The following FBXW10B variants were observed in gnomAD, a reference collection of about 807,000 sequenced individuals.
FBXW10B encodes F-box and WD repeat domain containing 10B.
chr17:15,587,812 G>A, the FBXW10B span, among the ~76,000 whole-genome samples: 2 of 152,142 alleles, frequency 1.3e-5, no homozygotes, highest in Non-Finnish European at 2.9e-5. Context: ...CCTAGAAGCT[G>A]CACACTGGTG....
the FBXW10B span, chr17:15,596,700 G>C: frequency 2.5e-6 from 4 of 1,589,080 alleles, no homozygotes; most frequent in Non-Finnish European, 3.4e-6. Flanking sequence ...ATGGGAGTGG[G>C]GAAAAAGGGG....
At chr17:15,593,602 C>G in the FBXW10B span, 4 of 1,412,492 alleles carry the variant, frequency 2.8e-6, no homozygotes, top group South Asian at 5.7e-5. Flanking sequence ...CTGGCCATAA[C>G]TGGCCTCAAA....
At chr17:15,610,992 G>A in the FBXW10B span, among the ~76,000 whole-genome samples, 1 of 151,490 alleles carries the variant, frequency 6.6e-6, no homozygotes, top group Non-Finnish European at 1.5e-5. Flanking sequence ...ATGAAAAACT[G>A]CAGGTCAAAG....
At chr17:15,597,323 G>T in the FBXW10B span, among the ~76,000 whole-genome samples, 1 of 149,860 alleles carries the variant, frequency 6.7e-6, no homozygotes, top group Non-Finnish European at 1.5e-5. Flanking sequence ...GCAGAACAGG[G>T]TTTTCTAAAA....
the FBXW10B span, among the ~76,000 whole-genome samples, chr17:15,575,066 T>C: frequency 7.1e-6 from 1 of 141,094 alleles, no homozygotes; most frequent in East Asian, 2.2e-4. Flanking sequence ...AAGGATTAAG[T>C]AGTTTTAGGG....
At chr17:15,571,777 A>G in the FBXW10B span, 2 of 152,262 alleles carry the variant, frequency 1.3e-5, no homozygotes, top group Admixed American at 6.5e-5. Context: ...TACGGCTGAA[A>G]TACTACTCAG....
chr17:15,604,655 G>A, the FBXW10B span, among the ~76,000 whole-genome samples: 163 of 152,092 alleles, frequency 1.1e-3, 1 homozygote, highest in East Asian at 6.8e-3. Flanking sequence ...CTGCCTCAGC[G>A]TCCCGAGTAG....
the FBXW10B span, among the ~76,000 whole-genome samples, chr17:15,603,329 C>G: frequency 6.6e-6 from 1 of 151,948 alleles, no homozygotes; most frequent in Non-Finnish European, 1.5e-5. Flanking sequence ...GCCTGCTGGC[C>G]CCACACTGCA....
At chr17:15,594,858 G>C in the FBXW10B span, 13 of 1,613,806 alleles carry the variant, frequency 8.1e-6, no homozygotes, top group South Asian at 2.2e-5. Context: ...CAAAGAACAG[G>C]CATTTCACAG....
the FBXW10B span, among the ~76,000 whole-genome samples, chr17:15,592,787 C>T: frequency 0.15 from 22,502 of 151,604 alleles, 1,803 homozygotes; most frequent in Admixed American, 0.22. Flanking sequence ...CACTGCAATT[C>T]CCACAAACAC....
At chr17:15,584,089 A>G in the FBXW10B span, among the ~76,000 whole-genome samples, 1 of 152,242 alleles carries the variant, frequency 6.6e-6, no homozygotes, top group Non-Finnish European at 1.5e-5. Flanking sequence ...GCAGTTTCAC[A>G]TCTAGGAATT....
chr17:15,567,447 T>A, the FBXW10B span, among the ~76,000 whole-genome samples: 2 of 152,256 alleles, frequency 1.3e-5, no homozygotes, highest in Admixed American at 1.3e-4. Flanking sequence ...TCCAAGTTAG[T>A]ATATACAGAT....
At chr17:15,619,681 C>T in the FBXW10B span, 1 of 915,454 alleles carries the variant, frequency 1.1e-6, no homozygotes, top group Non-Finnish European at 1.3e-6. Flanking sequence ...GCCTATCTCT[C>T]TCAGTAACTG....
At chr17:15,598,866 A>T in the FBXW10B span, 1 of 900,696 alleles carries the variant, frequency 1.1e-6, no homozygotes, top group Non-Finnish European at 1.6e-6. Context: ...TTCCTCATTG[A>T]TAAAATGGAA....
the FBXW10B span, among the ~76,000 whole-genome samples, chr17:15,584,355 C>T: frequency 6.6e-5 from 10 of 151,976 alleles, no homozygotes; most frequent in African/African-American, 1.5e-4. Flanking sequence ...GGGGATAAAA[C>T]CACAATTTAG....
At chr17:15,618,975 G>A in the FBXW10B span, 1 of 1,601,470 alleles carries the variant, frequency 6.2e-7, no homozygotes, top group Non-Finnish European at 8.5e-7. Flanking sequence ...GGTCTTCGGG[G>A]GCCCTCTAGT....
the FBXW10B span, among the ~76,000 whole-genome samples, chr17:15,603,153 G>C: frequency 3.5e-4 from 53 of 151,422 alleles, no homozygotes; most frequent in African/African-American, 1.2e-3. Flanking sequence ...CAAAGTGCTG[G>C]GCTTACAGGC....
At chr17:15,591,242 G>A in the FBXW10B span, among the ~76,000 whole-genome samples, 1 of 152,196 alleles carries the variant, frequency 6.6e-6, no homozygotes, top group African/African-American at 2.4e-5. Flanking sequence ...GCCCTTATTT[G>A]TTTAAGGATA....
chr17:15,594,939 A>G, the FBXW10B span: 1 of 1,608,812 alleles, frequency 6.2e-7, no homozygotes. Flanking sequence ...GACTCCTCCA[A>G]GAACCAAAGC....
Sources: allele counts gnomAD v4.1 joint callset (sites outside exome capture counted in the v4.1 genomes callset), GRCh38; gene constraint gnomAD v4.1.1; transcripts MANE v1.5; gene names NCBI Gene and HGNC (gene_info 2026-07-23, HGNC 2026-07-21).